FAM107B: variants seen among roughly 807,000 people sequenced by gnomAD.
FAM107B encodes protein FAM107B.
A neutral mutation model predicts 31.5 loss-of-function variants in FAM107B; 21 were observed. That is an observed-to-expected ratio of 0.67 (90% CI 0.47 to 0.96). FAM107B has a LOEUF of 0.96. Ranked by LOEUF, FAM107B falls within the 40% of genes least tolerant of loss-of-function variation. The pLI is 0.00. For missense variants in FAM107B, 452 were observed against 377.1 expected (o/e 1.20, Z -1.64); for synonymous variants, 157 against 141.5 (o/e 1.11, Z -0.78).
intron 1 of FAM107B, among the ~76,000 whole-genome samples, chr10:14,697,390 C>A (rs532865679): frequency 1.3e-5 from 2 of 152,182 alleles, no homozygotes; most frequent in African/African-American, 4.8e-5. Context: ...GCAAGTACCA[C>A]GTGTTTTTGA....
chr10:14,693,897 G>C (rs1469123889), intron 1 of FAM107B, among the ~76,000 whole-genome samples: 1 of 152,150 alleles, frequency 6.6e-6, no homozygotes, highest in South Asian at 2.1e-4. Context: ...AGTGAGGTAA[G>C]TGAGATGATG....
chr10:14,767,590 G>A (rs1263091113), intron 1 of FAM107B, among the ~76,000 whole-genome samples: 2 of 151,770 alleles, frequency 1.3e-5, no homozygotes, highest in East Asian at 1.9e-4. Flanking sequence ...CTCAATTGAT[G>A]TGAAAAAAAA....
At chr10:14,724,180 G>T in intron 1 of FAM107B, 2 of 430,786 alleles carry the variant, frequency 4.6e-6, no homozygotes, top group South Asian at 2.7e-5. Flanking sequence ...CTTATATTTA[G>T]CTCTAATATT....
chr10:14,545,410 TC>T (rs1848604407), intron 2 of FAM107B, among the ~76,000 whole-genome samples: 1 of 152,172 alleles, frequency 6.6e-6, no homozygotes, highest in African/African-American at 2.4e-5. Flanking sequence ...ATCACTAACA[TC>T]CCCATTAATA....
intron 1 of FAM107B, among the ~76,000 whole-genome samples, chr10:14,705,781 A>C (rs1001121451): frequency 6.6e-6 from 1 of 152,080 alleles, no homozygotes; most frequent in Non-Finnish European, 1.5e-5. Flanking sequence ...AGAGTTCTGG[A>C]GATGGAGGGT....
At chr10:14,597,345 C>G (rs923600032) in intron 2 of FAM107B, among the ~76,000 whole-genome samples, 1 of 144,196 alleles carries the variant, frequency 6.9e-6, no homozygotes, top group Non-Finnish European at 1.5e-5. Context: ...TTGGATAAAG[C>G]GTGAGTTTTA....
chr10:14,522,848 T>C (rs2130765843), intron 3 of FAM107B, among the ~76,000 whole-genome samples: 1 of 152,294 alleles, frequency 6.6e-6, no homozygotes, highest in South Asian at 2.1e-4. Context: ...CATCTGAGGT[T>C]ATACCGTTAC....
rs139078392 is a variant in FAM107B, at chr10:14,583,842, C to T, written c.470-53327G>A. Among the ~76,000 whole-genome samples, 884 of 152,298 alleles carry T rather than the reference C, an allele frequency of 5.8e-3. 6 individuals carry two copies. Among genetic ancestry groups the T allele is most frequent in the Middle Eastern group, 0.017 (5 of 294 alleles). On this transcript the variant is annotated intron_variant, in intron 2 of 4. Coordinates refer to ENST00000181796, the MANE Select transcript of FAM107B (RefSeq NM_031453.4). ...ACCCTGTTGAGCGCTCTCCTAGACC[C>T]AAGGCCACCCCTCAGGATCCAGGGC... is the stretch of plus-strand genomic sequence containing the variant.
intron 2 of FAM107B, among the ~76,000 whole-genome samples, chr10:14,585,070 G>T (rs960603373): frequency 6.6e-6 from 1 of 152,154 alleles, no homozygotes; most frequent in Non-Finnish European, 1.5e-5. Flanking sequence ...TGTACACCAA[G>T]TAACCAAAGG....
At chr10:14,527,398 C>T (rs1182523642) in intron 3 of FAM107B, among the ~76,000 whole-genome samples, 1 of 152,194 alleles carries the variant, frequency 6.6e-6, no homozygotes. Flanking sequence ...CCTGTGGGTA[C>T]TTGTTCTCTT....
At chr10:14,632,455 C>A (rs1192877126) in intron 2 of FAM107B, among the ~76,000 whole-genome samples, 3 of 151,134 alleles carry the variant, frequency 2.0e-5, no homozygotes, top group Admixed American at 2.0e-4. Flanking sequence ...ACTAAAAATA[C>A]AAAATATTAG....
chr10:14,773,471 A>G (rs1833351101), intron 1 of FAM107B, among the ~76,000 whole-genome samples: 1 of 152,210 alleles, frequency 6.6e-6, no homozygotes, highest in Admixed American at 6.5e-5. Flanking sequence ...TGGTCAAGAG[A>G]TATCTTTGGA....
intron 2 of FAM107B, among the ~76,000 whole-genome samples, chr10:14,536,855 T>C (rs1847665135): frequency 6.6e-6 from 1 of 152,132 alleles, no homozygotes; most frequent in Non-Finnish European, 1.5e-5. Flanking sequence ...CTCAATAAAT[T>C]TGCTGCCAAT....
At chr10:14,721,958 CT>C (rs1355580213) in intron 1 of FAM107B, among the ~76,000 whole-genome samples, 2 of 152,182 alleles carry the variant, frequency 1.3e-5, no homozygotes, top group African/African-American at 4.8e-5. Context: ...AGGTTTTCTT[CT>C]AGGGTTTTTA....
intron 2 of FAM107B, among the ~76,000 whole-genome samples, chr10:14,642,252 A>T (rs1187660887): frequency 6.6e-6 from 1 of 152,222 alleles, no homozygotes; most frequent in Non-Finnish European, 1.5e-5. Flanking sequence ...TCACTCCAAT[A>T]GCTCCAGGCA....
chr10:14,622,106 A>ATGT (rs1853026456), intron 2 of FAM107B, among the ~76,000 whole-genome samples: 2 of 152,154 alleles, frequency 1.3e-5, no homozygotes, highest in Non-Finnish European at 1.5e-5. Context: ...CATTTAATAA[A>ATGT]GTCCATCTTT....
intron 2 of FAM107B, among the ~76,000 whole-genome samples, chr10:14,531,870 G>GCGC (rs1847057568): frequency 6.6e-6 from 1 of 151,992 alleles, no homozygotes; most frequent in Non-Finnish European, 1.5e-5. Context: ...GGAATGAAAC[G>GCGC]TATATATATT....
rs145677691 is a variant in FAM107B, at chr10:14,595,583, G to A, written c.470-65068C>T. Among the ~76,000 whole-genome samples, 31 of 151,974 alleles carry A rather than the reference G, an allele frequency of 2.0e-4. No homozygotes were observed. In the East Asian group the frequency reaches 5.2e-3, roughly 26 times the overall value. On this transcript the variant is annotated intron_variant, in intron 2 of 4. Coordinates refer to ENST00000181796, the MANE Select transcript of FAM107B (RefSeq NM_031453.4). The stretch of plus-strand genomic sequence containing the variant: ...TGGGACCACAGGCGTGCACCACCAC[G>A]CCTGGCTAATTTTTATAATTTTAGT...
intron 2 of FAM107B, chr10:14,652,599 T>C (rs1225632608): frequency 1.3e-5 from 2 of 152,162 alleles, no homozygotes; most frequent in African/African-American, 2.4e-5. Flanking sequence ...AAGTAAAAAA[T>C]CCATGTAAAG....
Sources: allele counts gnomAD v4.1 joint callset (sites outside exome capture counted in the v4.1 genomes callset), GRCh38; gene constraint gnomAD v4.1.1; transcripts MANE v1.5; gene names NCBI Gene and HGNC (gene_info 2026-07-23, HGNC 2026-07-21).